MGAT4C: variants seen among roughly 807,000 people sequenced by gnomAD.
The protein encoded by MGAT4C is MGAT4 family member C.
Under a neutral mutation model 40.1 loss-of-function variants are expected in MGAT4C, and 19 were observed. That is an observed-to-expected ratio of 0.47 (90% CI 0.33 to 0.70). MGAT4C has a LOEUF of 0.70. Among genes scored for constraint, MGAT4C ranks in the 30% least tolerant of loss-of-function variants. The pLI, the probability that MGAT4C is intolerant of heterozygous loss-of-function variation, is 0.02. For synonymous variants in MGAT4C, 181 were observed against 187.1 expected (o/e 0.97, Z 0.27); for missense variants, 491 against 563.2 (o/e 0.87, Z 1.30).
At chr12:86,010,890 G>A (rs1247038828) in intron 2 of MGAT4C, among the ~76,000 whole-genome samples, 1 of 152,162 alleles carries the variant, frequency 6.6e-6, no homozygotes, top group African/African-American at 2.4e-5. Flanking sequence ...GAGTGGGTCT[G>A]TTATAAAAGT....
intron 1 of MGAT4C, among the ~76,000 whole-genome samples, chr12:86,770,023 T>TA (rs201657827): frequency 1.3e-5 from 2 of 151,806 alleles, no homozygotes; most frequent in Admixed American, 1.3e-4. Flanking sequence ...AATAATAAAA[T>TA]AAAAAAAGAA....
intron 2 of MGAT4C, among the ~76,000 whole-genome samples, chr12:86,658,027 A>G (rs1412662417): frequency 6.6e-6 from 1 of 152,004 alleles, no homozygotes; most frequent in Admixed American, 6.6e-5. Context: ...TAAAAGTTGG[A>G]AAGCAACATA....
chr12:86,461,175 C>G (rs1477091914), intron 2 of MGAT4C, among the ~76,000 whole-genome samples: 1 of 150,108 alleles, frequency 6.7e-6, no homozygotes, highest in African/African-American at 2.5e-5. Flanking sequence ...ATTATTTTTG[C>G]AATAAATTCC....
chr12:86,780,770 T>C (rs1416211060), intron 1 of MGAT4C, among the ~76,000 whole-genome samples: 1 of 152,200 alleles, frequency 6.6e-6, no homozygotes, highest in Non-Finnish European at 1.5e-5. Context: ...TAATGCACAC[T>C]GTACCCATTA....
chr12:86,136,470 TATAAG>T (rs1204643792), intron 1 of MGAT4C, among the ~76,000 whole-genome samples: 1 of 152,174 alleles, frequency 6.6e-6, no homozygotes, highest in Non-Finnish European at 1.5e-5. Context: ...GAAGGGCATC[TATAAG>T]TGTGTCCTTT....
At chr12:86,672,919 A>C (rs1172027361) in intron 2 of MGAT4C, among the ~76,000 whole-genome samples, 1 of 152,104 alleles carries the variant, frequency 6.6e-6, no homozygotes, top group Non-Finnish European at 1.5e-5. Context: ...AAAATATATT[A>C]TTTAGATTTA....
At chr12:86,398,851 C>G (rs1956305521) in intron 3 of MGAT4C, among the ~76,000 whole-genome samples, 1 of 152,056 alleles carries the variant, frequency 6.6e-6, no homozygotes, top group Admixed American at 6.6e-5. Context: ...CTGCCCCATA[C>G]CAGAGGGAAG....
At position 85,959,730 on chromosome 12, in the gene MGAT4C, T is replaced by A. The variant is rs2136640121; in HGVS notation, c.*19559A>T. 6.6e-6 allele frequency: 1 copy of A among 151,782 alleles called. No individual in the cohort carries two copies. The highest frequency in any genetic ancestry group is 1.9e-4 in the East Asian group (1 of 5,156). 9.4% of individuals were successfully genotyped at this position (151,782 alleles called of 1,614,324 possible). On this transcript the variant is annotated 3_prime_UTR_variant, in exon 5 of 5. Coordinates refer to ENST00000611864, the MANE Select transcript of MGAT4C (RefSeq NM_001351288.2). Reference sequence around the variant, plus strand: ...CTTTTTTTTTTTTTTTATTTTCTGCTTGCTGAAATCGAGATCAATATTCAT... The same window carrying A: ...CTTTTTTTTTTTTTTTATTTTCTGCATGCTGAAATCGAGATCAATATTCAT...
At chr12:86,078,041 C>T (rs760317272) in intron 1 of MGAT4C, among the ~76,000 whole-genome samples, 11 of 152,194 alleles carry the variant, frequency 7.2e-5, no homozygotes, top group African/African-American at 9.6e-5. Context: ...CATAATGTTG[C>T]GGGAACAGGA....
In MGAT4C at chr12:85,979,709, A is replaced by G. The variant is rs1290341753; in HGVS notation, c.1017T>C (p.Asp339=). 5 of 1,613,508 alleles carry G rather than the reference A, an allele frequency of 3.1e-6. No individual in the cohort carries two copies. Among genetic ancestry groups the G allele is most frequent in the Non-Finnish European group, 4.2e-6 (5 of 1,179,796 alleles). The change falls in exon 5 of 5, where the codon GAT becomes GAC. Residue 339 remains aspartate (D), a synonymous_variant. Transcript: ENST00000611864. ...TGGTGTACAGACTTGCAGGGGGGTT[A>G]TCAGGAATGTCAAATGACTCCTCTT... is the stretch of plus-strand genomic sequence containing the variant. ...DFEEESFDIP[D]NPPASLYTNM...
chr12:86,369,885 G>A (rs1357157826), intron 3 of MGAT4C, among the ~76,000 whole-genome samples: 3 of 151,888 alleles, frequency 2.0e-5, no homozygotes, highest in Admixed American at 6.6e-5. Flanking sequence ...TGCAGATTTA[G>A]TACTATTTTC....
chr12:86,098,911 C>G (rs1026189032), intron 1 of MGAT4C, among the ~76,000 whole-genome samples: 2 of 151,352 alleles, frequency 1.3e-5, no homozygotes, highest in Non-Finnish European at 3.0e-5. Flanking sequence ...TCATGCCAAC[C>G]TAAGAAAACT....
At chr12:86,294,553 T>C (rs1953614249) in intron 4 of MGAT4C, among the ~76,000 whole-genome samples, 1 of 152,240 alleles carries the variant, frequency 6.6e-6, no homozygotes, top group Non-Finnish European at 1.5e-5. Flanking sequence ...TACTTCATTT[T>C]ATTCAACTGT....
chr12:86,689,506 C>T (rs1950135915), intron 2 of MGAT4C, among the ~76,000 whole-genome samples: 1 of 152,104 alleles, frequency 6.6e-6, no homozygotes, highest in Admixed American at 6.5e-5. Flanking sequence ...GCATGGGCGT[C>T]CTTTTTGTTG....
At chr12:86,324,920 C>A (rs759884009) in intron 4 of MGAT4C, among the ~76,000 whole-genome samples, 42 of 151,928 alleles carry the variant, frequency 2.8e-4, no homozygotes, top group African/African-American at 8.9e-4. Flanking sequence ...TATTATTGAG[C>A]CTTGCAGTGT....
At chr12:86,471,845 T>C (rs912576810) in intron 2 of MGAT4C, among the ~76,000 whole-genome samples, 6 of 152,126 alleles carry the variant, frequency 3.9e-5, no homozygotes, top group Non-Finnish European at 7.4e-5. Context: ...GAAAATGCTA[T>C]GAACCATGGA....
At chr12:86,362,096 T>A (rs1360730847) in intron 3 of MGAT4C, among the ~76,000 whole-genome samples, 1 of 152,270 alleles carries the variant, frequency 6.6e-6, no homozygotes, top group South Asian at 2.1e-4. Context: ...CAAATGTCCA[T>A]CAATGATAGA....
At chr12:86,334,783 T>A (rs1474038864) in intron 3 of MGAT4C, among the ~76,000 whole-genome samples, 1 of 152,116 alleles carries the variant, frequency 6.6e-6, no homozygotes, top group Admixed American at 6.6e-5. Context: ...ATTTCTGGTC[T>A]ATTTAGCTAC....
chr12:86,004,126 T>A (rs2136786277), intron 2 of MGAT4C, among the ~76,000 whole-genome samples: 1 of 152,322 alleles, frequency 6.6e-6, no homozygotes, highest in African/African-American at 2.4e-5. Flanking sequence ...AAAAATTTGT[T>A]CTTTCACCTT....
Sources: gnomAD v4.1 joint callset for allele counts (sites outside exome capture counted in the v4.1 genomes callset) on GRCh38, gnomAD v4.1.1 for gene constraint, MANE v1.5 for transcripts, NCBI Gene and HGNC (gene_info 2026-07-23, HGNC 2026-07-21) for gene names.